The following PRKG1 variants were observed in gnomAD, a reference collection of about 807,000 sequenced individuals.
PRKG1 encodes the protein cGMP-dependent protein kinase 1.
In PRKG1, 35 loss-of-function variants were observed where a neutral mutation model predicts 88.1. The observed-to-expected ratio is 0.40, with a 90% CI of 0.30 to 0.53. The LOEUF (loss-of-function observed/expected upper bound fraction) is 0.53, where lower values mean the gene tolerates loss of function less well. Ranked by LOEUF, PRKG1 falls within the 20% of genes least tolerant of loss-of-function variation. PRKG1 has a pLI of 0.59. For missense variants in PRKG1, 540 were observed against 839.8 expected, an observed-to-expected ratio of 0.64 and a Z score of 4.41; for synonymous variants, 303 against 292.5, an observed-to-expected ratio of 1.04 and a Z score of -0.37.
At chr10:52,066,208 CCTTT>C (rs1421708924) in intron 7 of PRKG1, among the ~76,000 whole-genome samples, 5 of 152,018 alleles carry the variant, frequency 3.3e-5, no homozygotes, top group Non-Finnish European at 5.9e-5. Flanking sequence ...TGTTGACCAC[CCTTT>C]CTTTCTTTAA....
chr10:51,231,113 G>A (rs936624097), intron 2 of PRKG1, among the ~76,000 whole-genome samples: 5 of 152,156 alleles, frequency 3.3e-5, no homozygotes, highest in African/African-American at 1.2e-4. Flanking sequence ...GTTTACTTCA[G>A]GAGGTAAAAA....
intron 4 of PRKG1, among the ~76,000 whole-genome samples, chr10:51,852,211 G>GTATATA (rs1286387019): frequency 2.2e-5 from 3 of 134,006 alleles, no homozygotes; most frequent in African/African-American, 1.0e-4. Context: ...AGTTTTATAT[G>GTATATA]TGTATATATA....
At chr10:51,811,330 A>T (rs1374723511) in intron 4 of PRKG1, among the ~76,000 whole-genome samples, 1 of 152,192 alleles carries the variant, frequency 6.6e-6, no homozygotes, top group African/African-American at 2.4e-5. Context: ...TTTTAGAAAT[A>T]AAATTTCTAA....
chr10:51,056,868 C>A (rs1589126361), intron 1 of PRKG1, among the ~76,000 whole-genome samples: 1 of 152,268 alleles, frequency 6.6e-6, no homozygotes, highest in Admixed American at 6.5e-5. Context: ...GCTGTTCCTA[C>A]CCCGTCTCAA....
At chr10:51,834,185 A>T (rs953593095) in intron 4 of PRKG1, among the ~76,000 whole-genome samples, 1 of 152,232 alleles carries the variant, frequency 6.6e-6, no homozygotes, top group South Asian at 2.1e-4. Context: ...CAATCTCCAT[A>T]ATGGCCTCTT....
intron 2 of PRKG1, among the ~76,000 whole-genome samples, chr10:51,211,602 A>T (rs556496646): frequency 6.6e-6 from 1 of 152,248 alleles, no homozygotes; most frequent in African/African-American, 2.4e-5. Context: ...TAAGCTGATA[A>T]GCAACTTTAG....
chr10:52,178,014 A>T (rs1355846703), intron 9 of PRKG1, among the ~76,000 whole-genome samples: 3 of 145,552 alleles, frequency 2.1e-5, no homozygotes, highest in African/African-American at 7.6e-5. Context: ...TCTGATATTT[A>T]CTATTTCTTC....
intron 3 of PRKG1, among the ~76,000 whole-genome samples, chr10:51,532,534 T>A (rs895605671): frequency 2.0e-5 from 3 of 152,216 alleles, no homozygotes; most frequent in African/African-American, 7.2e-5. Context: ...TCAGCAGTCA[T>A]GCCTCAGCTG....
chr10:51,448,158 G>A (rs1839329111), intron 2 of PRKG1, among the ~76,000 whole-genome samples: 1 of 151,946 alleles, frequency 6.6e-6, no homozygotes, highest in South Asian at 2.1e-4. Context: ...TGAGGTGGGA[G>A]AATCACTTGA....
chr10:51,214,320 AATG>A (rs1838313949), intron 2 of PRKG1, among the ~76,000 whole-genome samples: 1 of 152,190 alleles, frequency 6.6e-6, no homozygotes, highest in South Asian at 2.1e-4. Flanking sequence ...TTGTCCCTTC[AATG>A]ATATTTGTCC....
chr10:51,264,214 G>T (rs1296526262), intron 2 of PRKG1, among the ~76,000 whole-genome samples: 7 of 152,186 alleles, frequency 4.6e-5, no homozygotes, highest in Non-Finnish European at 1.0e-4. Flanking sequence ...CCTGATGTAT[G>T]TCAAGAGCAT....
At chr10:51,740,350 G>A (rs180847688) in intron 3 of PRKG1, among the ~76,000 whole-genome samples, 4 of 152,262 alleles carry the variant, frequency 2.6e-5, no homozygotes, top group Admixed American at 2.6e-4. Flanking sequence ...TTTAATGTGG[G>A]TTATAGCTAT....
At chr10:51,748,700 G>T (rs1837641848) in intron 3 of PRKG1, among the ~76,000 whole-genome samples, 1 of 152,140 alleles carries the variant, frequency 6.6e-6, no homozygotes, top group African/African-American at 2.4e-5. Context: ...CAAATCTTTT[G>T]AAGTTCACAA....
At chr10:51,447,657 A>G (rs565694673) in intron 2 of PRKG1, among the ~76,000 whole-genome samples, 6 of 151,990 alleles carry the variant, frequency 3.9e-5, no homozygotes, top group Middle Eastern at 3.4e-3. Flanking sequence ...TGCAGTTTCT[A>G]TGACATTCAT....
At chr10:51,669,280 G>GCT (rs1840497956) in intron 3 of PRKG1, among the ~76,000 whole-genome samples, 1 of 152,188 alleles carries the variant, frequency 6.6e-6, no homozygotes, top group Admixed American at 6.5e-5. Flanking sequence ...ACTCTTACTG[G>GCT]CTTGCAAGCT....
intron 3 of PRKG1, among the ~76,000 whole-genome samples, chr10:51,527,004 G>T (rs1841899725): frequency 2.0e-5 from 3 of 152,116 alleles, no homozygotes; most frequent in African/African-American, 4.8e-5. Flanking sequence ...GCCTCTGTTG[G>T]AACTACTCCA....
chr10:51,301,286 T>C (rs1043517602), intron 2 of PRKG1, among the ~76,000 whole-genome samples: 3 of 152,086 alleles, frequency 2.0e-5, no homozygotes, highest in Admixed American at 6.6e-5. Flanking sequence ...CTTGGTATGT[T>C]TGGGAGTCAA....
chr10:51,410,850 C>T (rs1838064357), intron 2 of PRKG1, among the ~76,000 whole-genome samples: 1 of 151,128 alleles, frequency 6.6e-6, no homozygotes, highest in African/African-American at 2.4e-5. Flanking sequence ...CACTTGTAGT[C>T]AAATATATTT....
At chr10:51,267,498 G>A (rs930409957) in intron 2 of PRKG1, among the ~76,000 whole-genome samples, 25 of 151,860 alleles carry the variant, frequency 1.6e-4, no homozygotes, top group Middle Eastern at 3.4e-3. Flanking sequence ...CTTCTTTGAC[G>A]GTTTATTTCT....
Sources: gnomAD v4.1 joint callset for allele counts (sites outside exome capture counted in the v4.1 genomes callset) on GRCh38, gnomAD v4.1.1 for gene constraint, MANE v1.5 for transcripts, NCBI Gene and HGNC (gene_info 2026-07-23, HGNC 2026-07-21) for gene names.